The following RP1 variants were observed in gnomAD, a reference collection of about 807,000 sequenced individuals.
The protein encoded by RP1 is RP1 axonemal microtubule associated, also known as oxygen-regulated protein 1.
In RP1, 16 loss-of-function variants were observed where a neutral mutation model predicts 14.8. The observed-to-expected ratio is 1.08, with a 90% CI of 0.73 to 1.65. RP1 has a LOEUF of 1.65. Ranked by LOEUF, RP1 falls within the 40% of genes most tolerant of loss-of-function variation. RP1 has a pLI of 0.00. For synonymous variants in RP1, 876 were observed against 883.6 expected (o/e 0.99, Z 0.15); for missense variants, 2,631 against 2,535.0 (o/e 1.04, Z -0.81).
intron 24 of RP1, among the ~76,000 whole-genome samples, chr8:54,799,258 C>T (rs973239800): frequency 3.9e-5 from 6 of 152,048 alleles, no homozygotes; most frequent in Admixed American, 3.3e-4. Flanking sequence ...AAAAAGAAAT[C>T]TCCCAATAAT....
intron 24 of RP1, among the ~76,000 whole-genome samples, chr8:54,810,763 A>C (rs951887988): frequency 6.6e-6 from 1 of 152,228 alleles, no homozygotes; most frequent in African/African-American, 2.4e-5. Context: ...GCTCGGTCCA[A>C]CATGCCACAG....
rs78578838 is a variant in RP1, at chr8:54,611,089, T to C, written c.-12-9866T>C. On this transcript the variant is annotated intron_variant, in intron 1 of 22. Coordinates refer to the RP1 transcript ENST00000636932. The stretch of plus-strand genomic sequence containing the variant: ...GCCTTCTGGCCTCCAAGGTTTCTAA[T>C]GAGAAACTGGTGAATAATCATATAG... Among the ~76,000 whole-genome samples the C allele has an allele frequency of 5.9e-5, 9 of 152,316 alleles. No individual in the cohort carries two copies. In the East Asian group the frequency reaches 1.7e-3, roughly 29 times the overall value.
At chr8:54,640,844 T>G (rs1446309627) in intron 3 of RP1, among the ~76,000 whole-genome samples, 1 of 152,186 alleles carries the variant, frequency 6.6e-6, no homozygotes. Flanking sequence ...TCACACAATC[T>G]TTTTCAAACA....
At chr8:54,803,631 G>A (rs1810768112) in intron 24 of RP1, among the ~76,000 whole-genome samples, 1 of 152,022 alleles carries the variant, frequency 6.6e-6, no homozygotes, top group Non-Finnish European at 1.5e-5. Flanking sequence ...CTATTACAAA[G>A]GATTTCCAGG....
chr8:54,696,271 C>A (rs887483724), intron 12 of RP1: 12 of 333,344 alleles, frequency 3.6e-5, no homozygotes, highest in East Asian at 2.3e-4. Flanking sequence ...CCATAATCCT[C>A]CTTCATTTGG....
chr8:54,704,238 T>C (rs1470592765), intron 14 of RP1, among the ~76,000 whole-genome samples: 2 of 152,186 alleles, frequency 1.3e-5, no homozygotes, highest in Admixed American at 6.5e-5. Context: ...GCAGGAGATA[T>C]GTGACTCTTC....
chr8:54,767,384 G>A (rs1809787845), intron 22 of RP1, among the ~76,000 whole-genome samples: 1 of 150,034 alleles, frequency 6.7e-6, no homozygotes, highest in African/African-American at 2.5e-5. Flanking sequence ...TTTTGAGATG[G>A]AGTCTTGCTC....
chr8:54,789,384 C>A (rs1348612978), intron 24 of RP1, among the ~76,000 whole-genome samples: 2 of 152,174 alleles, frequency 1.3e-5, no homozygotes, highest in South Asian at 2.1e-4. Flanking sequence ...AAGCCAATGA[C>A]CCTGCCTGAC....
At chr8:54,734,629 C>T (rs1179721576) in exon 18 of RP1, 2 of 1,535,642 alleles carry the variant, frequency 1.3e-6, no homozygotes, top group East Asian at 2.4e-5. Flanking sequence ...AATACAGGAA[C>T]TCAAGCCAAT....
intron 25 of RP1, among the ~76,000 whole-genome samples, chr8:54,838,523 G>A (rs562418873): frequency 7.2e-5 from 11 of 152,150 alleles, no homozygotes; most frequent in Admixed American, 1.3e-4. Context: ...ATGTATGTGC[G>A]TGACAGAATG....
At chr8:54,717,877 G>C (rs1451656309) in intron 15 of RP1, among the ~76,000 whole-genome samples, 3 of 152,064 alleles carry the variant, frequency 2.0e-5, no homozygotes, top group African/African-American at 4.8e-5. Flanking sequence ...GAATCAGTAA[G>C]TGTTTATAGT....
At chr8:54,709,725 C>T (rs1299343842) in intron 15 of RP1, among the ~76,000 whole-genome samples, 1 of 152,176 alleles carries the variant, frequency 6.6e-6, no homozygotes, top group Non-Finnish European at 1.5e-5. Flanking sequence ...AGCTAGGTTA[C>T]ATGAGCCTTG....
In RP1 at chr8:54,663,625, G is replaced by T. The variant is rs866276264; in HGVS notation, c.1172-74G>T. On this transcript the variant is annotated intron_variant, in intron 6 of 22. Coordinates refer to the RP1 transcript ENST00000636932. ...TGGAACTTTTCCACCATGGATAAGA[G>T]GAGATTTCTGTATGTAATTTTCTGT... 53 of 1,344,062 alleles carry T rather than the reference G, an allele frequency of 3.9e-5. No homozygotes were observed. The Middle Eastern group carries it at 4.9e-3, about 125-fold the overall frequency. The allele number at this position is 1,344,062 out of a possible 1,614,324, so 83.3% of individuals were successfully genotyped here.
chr8:54,783,676 A>G (rs1810245433), exon 24 of RP1: 1 of 1,231,602 alleles, frequency 8.1e-7, no homozygotes, highest in Non-Finnish European at 1.0e-6. Context: ...GGGAAACACC[A>G]GCTGTTTAAC....
chr8:54,578,025 G>A (rs1325607924), intron 1 of RP1, among the ~76,000 whole-genome samples: 2 of 151,790 alleles, frequency 1.3e-5, no homozygotes, highest in Non-Finnish European at 2.9e-5. Flanking sequence ...GTATACATGT[G>A]CCATGCTGGT....
At chr8:54,711,513 A>G (rs1252915574) in intron 15 of RP1, among the ~76,000 whole-genome samples, 1 of 152,224 alleles carries the variant, frequency 6.6e-6, no homozygotes, top group Non-Finnish European at 1.5e-5. Context: ...CAGATCAGCA[A>G]GACAAAGGGA....
intron 25 of RP1, among the ~76,000 whole-genome samples, chr8:54,847,313 C>G (rs746308615): frequency 1.3e-5 from 2 of 152,118 alleles, no homozygotes; most frequent in Non-Finnish European, 2.9e-5. Context: ...ACTTTTTGTT[C>G]TAGACCTTAC....
intron 24 of RP1, among the ~76,000 whole-genome samples, chr8:54,816,632 A>C (rs955730162): frequency 1.3e-5 from 2 of 152,164 alleles, no homozygotes; most frequent in African/African-American, 4.8e-5. Flanking sequence ...GCCCAGACTC[A>C]TGTACTAGTC....
chr8:54,602,401 G>A (rs1283508776), intron 1 of RP1, among the ~76,000 whole-genome samples: 1 of 152,192 alleles, frequency 6.6e-6, no homozygotes, highest in Non-Finnish European at 1.5e-5. Flanking sequence ...ATTCCAAGGT[G>A]TATATGTGCC....
Sources: gnomAD v4.1 joint callset for allele counts (sites outside exome capture counted in the v4.1 genomes callset) on GRCh38, gnomAD v4.1.1 for gene constraint, MANE v1.5 for transcripts, NCBI Gene and HGNC (gene_info 2026-07-23, HGNC 2026-07-21) for gene names.